BBOX1: variants seen among roughly 807,000 people sequenced by gnomAD.
BBOX1 encodes the protein gamma-butyrobetaine hydroxylase 1.
Under a neutral mutation model 41.6 loss-of-function variants are expected in BBOX1, and 35 were observed. That is an observed-to-expected ratio of 0.84 (90% CI 0.64 to 1.11). BBOX1 has a LOEUF of 1.11. Ranked by LOEUF, BBOX1 falls within the 50% of genes most tolerant of loss-of-function variation. BBOX1 has a pLI of 0.00. For synonymous variants in BBOX1, 163 were observed against 154.7 expected (o/e 1.05, Z -0.40); for missense variants, 458 against 460.6 (o/e 0.99, Z 0.05).
chr11:27,117,256 A>AT (rs577155032), intron 6 of BBOX1, among the ~76,000 whole-genome samples: 33 of 151,396 alleles, frequency 2.2e-4, no homozygotes, highest in Admixed American at 8.6e-4. Flanking sequence ...AATTAGCCCA[A>AT]TTTTTTTTTC....
At chr11:27,063,539 TA>T (rs1468756354) in intron 4 of BBOX1, among the ~76,000 whole-genome samples, 9 of 152,094 alleles carry the variant, frequency 5.9e-5, no homozygotes, top group African/African-American at 1.9e-4. Context: ...ACTTTAATAA[TA>T]TTTTTTATAG....
chr11:27,059,559 G>A (rs1857079623), intron 4 of BBOX1, among the ~76,000 whole-genome samples: 2 of 152,096 alleles, frequency 1.3e-5, no homozygotes, highest in South Asian at 4.1e-4. Flanking sequence ...ACTCCATAAT[G>A]GTAGATCCAC....
chr11:27,109,494 T>C (rs1858980263), intron 5 of BBOX1, among the ~76,000 whole-genome samples: 1 of 152,086 alleles, frequency 6.6e-6, no homozygotes, highest in African/African-American at 2.4e-5. Context: ...TATGAAATAG[T>C]TGGAACCTGA....
intron 7 of BBOX1, among the ~76,000 whole-genome samples, chr11:27,121,677 G>A (rs1859470778): frequency 6.6e-6 from 1 of 152,156 alleles, no homozygotes; most frequent in Non-Finnish European, 1.5e-5. Context: ...TTCTAGTCCA[G>A]AATAAACCTG....
At chr11:27,062,646 C>T (rs754604454) in intron 4 of BBOX1, among the ~76,000 whole-genome samples, 140 of 151,834 alleles carry the variant, frequency 9.2e-4, no homozygotes, top group Non-Finnish European at 1.2e-3. Flanking sequence ...GCAACCTCTG[C>T]CCCCGGGTTC....
chr11:27,097,764 C>T (rs981734545), intron 5 of BBOX1, among the ~76,000 whole-genome samples: 1 of 151,992 alleles, frequency 6.6e-6, no homozygotes, highest in Non-Finnish European at 1.5e-5. Context: ...TGATGCAAAG[C>T]ATGGTCAAGA....
intron 5 of BBOX1, among the ~76,000 whole-genome samples, chr11:27,098,377 C>T (rs1291939689): frequency 1.3e-5 from 2 of 151,988 alleles, no homozygotes; most frequent in East Asian, 1.9e-4. Flanking sequence ...CTCAAATGAA[C>T]GAGTTTTGCA....
chr11:27,056,628 T>G (rs1442098377), intron 3 of BBOX1, among the ~76,000 whole-genome samples: 1 of 152,162 alleles, frequency 6.6e-6, no homozygotes, highest in African/African-American at 2.4e-5. Flanking sequence ...ACAGAAAGTT[T>G]GGGGATCCCA....
chr11:27,103,553 A>C (rs1858746365), intron 5 of BBOX1, among the ~76,000 whole-genome samples: 1 of 150,954 alleles, frequency 6.6e-6, no homozygotes, highest in African/African-American at 2.4e-5. Flanking sequence ...ATTCCTTCTA[A>C]TTTATTCTTT....
intron 4 of BBOX1, 29 bp downstream of exon 4, chr11:27,057,344 T>G: frequency 1.3e-6 from 2 of 1,527,202 alleles, no homozygotes; most frequent in Non-Finnish European, 1.8e-6. Flanking sequence ...TCAATGTCTT[T>G]TTAAACCCTT....
chr11:27,099,518 T>C (rs1180542694), intron 5 of BBOX1, among the ~76,000 whole-genome samples: 1 of 152,020 alleles, frequency 6.6e-6, no homozygotes, highest in Non-Finnish European at 1.5e-5. Context: ...ATAAAACTTA[T>C]AAGGCCACAA....
intron 4 of BBOX1, among the ~76,000 whole-genome samples, chr11:27,061,426 C>T (rs1000173477): frequency 7.9e-5 from 12 of 152,148 alleles, no homozygotes; most frequent in Admixed American, 7.8e-4. Flanking sequence ...CATTCTCAAG[C>T]TGTGCAGTTG....
intron 4 of BBOX1, among the ~76,000 whole-genome samples, chr11:27,066,109 GT>G (rs1420892317): frequency 6.6e-6 from 1 of 152,102 alleles, no homozygotes; most frequent in Non-Finnish European, 1.5e-5. Flanking sequence ...TTAAAGTAAA[GT>G]TATTACTTTT....
At chr11:27,069,003 A>G (rs1857367910) in intron 4 of BBOX1, among the ~76,000 whole-genome samples, 1 of 151,986 alleles carries the variant, frequency 6.6e-6, no homozygotes, top group Non-Finnish European at 1.5e-5. Context: ...ATCAGTTCAG[A>G]TGATGCATTC....
rs184251468 is a variant in BBOX1 at position 27,056,666 on chromosome 11, T to C, written c.220-535T>C. On this transcript the variant is annotated intron_variant, in intron 3 of 8. Transcript: ENST00000263182. ...TTTAGAGGATGTAGGTCAAGAACTG[T>C]AGATCTATCCATGCTCTATTTCTTG... Among the ~76,000 whole-genome samples, 24 of 152,334 alleles carry C rather than the reference T, an allele frequency of 1.6e-4. No homozygotes were observed. The East Asian group carries it at 4.6e-3, about 29-fold the overall frequency.
chr11:27,125,557 T>C (rs930392288), intron 7 of BBOX1, 97 bp from the exon 8 acceptor site: 1 of 1,056,542 alleles, frequency 9.5e-7, no homozygotes, highest in Non-Finnish European at 1.3e-6. Context: ...TTTTTTAATA[T>C]GGTGTTTCAA....
At chr11:27,052,621 C>T (rs1856850905) in intron 2 of BBOX1, among the ~76,000 whole-genome samples, 1 of 152,092 alleles carries the variant, frequency 6.6e-6, no homozygotes, top group Non-Finnish European at 1.5e-5. Context: ...GTTGTTGGCT[C>T]AGCCTGCACC....
At chr11:27,070,995 GTCTGAAAA>G (rs552083505) in intron 4 of BBOX1, among the ~76,000 whole-genome samples, 39 of 152,088 alleles carry the variant, frequency 2.6e-4, no homozygotes, top group Non-Finnish European at 5.1e-4. Flanking sequence ...GCATTTGCTT[GTCTGAAAA>G]TGACTTTATT....
chr11:27,086,182 G>C lies in BBOX1; in HGVS notation c.335-6986G>C, dbSNP rs116526210. 4.5e-3 allele frequency among the ~76,000 whole-genome samples: 687 copies of C among 152,240 alleles called. 6 individuals carry two copies. Among genetic ancestry groups the C allele is most frequent in the African/African-American group, 0.016 (660 of 41,560 alleles). On this transcript the variant is annotated intron_variant, in intron 4 of 8. Coordinates refer to ENST00000263182, the MANE Select transcript of BBOX1 (RefSeq NM_003986.3). The stretch of plus-strand genomic sequence containing the variant: ...CTAGCTAAGATCATTGATGAAGGTG[G>C]ATACACTAAGTAGCAGATTGTCCAT...
Sources: gnomAD v4.1 joint callset for allele counts (sites outside exome capture counted in the v4.1 genomes callset) on GRCh38, gnomAD v4.1.1 for gene constraint, MANE v1.5 for transcripts, NCBI Gene and HGNC (gene_info 2026-07-23, HGNC 2026-07-21) for gene names.